The following UGT8 variants were observed in gnomAD, a reference collection of about 807,000 sequenced individuals.
UGT8 encodes the protein UDP glycosyltransferase 8.
A neutral mutation model predicts 40.5 loss-of-function variants in UGT8; 12 were observed. That is an observed-to-expected ratio of 0.30 (90% CI 0.19 to 0.48). UGT8 has a LOEUF of 0.48. Among genes scored for constraint, UGT8 ranks in the 20% least tolerant of loss-of-function variants. The probability of loss-of-function intolerance (pLI) is 0.99; values close to 1 mark genes in which losing one functional copy is unlikely to be tolerated. For missense variants in UGT8, 513 were observed against 648.7 expected, an observed-to-expected ratio of 0.79 and a Z score of 2.27; for synonymous variants, 224 against 240.4, an observed-to-expected ratio of 0.93 and a Z score of 0.63.
chr4:114,633,364 A>G (rs1732697418), intron 2 of UGT8, among the ~76,000 whole-genome samples: 1 of 152,224 alleles, frequency 6.6e-6, no homozygotes, highest in Non-Finnish European at 1.5e-5. Flanking sequence ...GTCTTCTCAG[A>G]CAATCAGAGT....
intron 2 of UGT8, among the ~76,000 whole-genome samples, chr4:114,653,048 C>T (rs529210263): frequency 1.6e-3 from 248 of 152,026 alleles, no homozygotes; most frequent in South Asian, 0.012. Context: ...TTGCCCATAC[C>T]GTTCTGGATC....
chr4:114,673,346 T>C (rs1419092008), intron 5 of UGT8, among the ~76,000 whole-genome samples: 1 of 152,206 alleles, frequency 6.6e-6, no homozygotes, highest in African/African-American at 2.4e-5. Context: ...TCCTTTCCAG[T>C]TGATCCATGG....
At chr4:114,663,686 C>T in intron 2 of UGT8, 1 of 984,946 alleles carries the variant, frequency 1.0e-6, no homozygotes, top group Non-Finnish European at 1.2e-6. Flanking sequence ...TTTTTCTGAA[C>T]ATGCATCAGT....
rs1324184836 is a variant in UGT8 at position 114,678,176 on chromosome 4, T to A, written c.*1888T>A. The A allele has an allele frequency of 6.6e-6, 1 of 152,212 alleles. No homozygotes were observed. The highest frequency in any genetic ancestry group is 1.5e-5 in the Non-Finnish European group (1 of 68,042). The allele number at this position is 152,212 out of a possible 1,614,324, so 9.4% of individuals were successfully genotyped here. ...ACTGATTGGATGATTAAACATAAGT[T>A]AATCTCCACTGTGATAAAAACTTAA... On this transcript the variant is annotated 3_prime_UTR_variant, in exon 6 of 6. Coordinates refer to ENST00000310836, the MANE Select transcript of UGT8 (RefSeq NM_001128174.3).
chr4:114,605,281 T>C (rs1730670936), intron 1 of UGT8, among the ~76,000 whole-genome samples: 1 of 152,172 alleles, frequency 6.6e-6, no homozygotes. Flanking sequence ...GAAAGATGTA[T>C]AGTAGGAACA....
chr4:114,607,221 A>G (rs1443080208), intron 1 of UGT8, among the ~76,000 whole-genome samples: 1 of 152,186 alleles, frequency 6.6e-6, no homozygotes, highest in Non-Finnish European at 1.5e-5. Context: ...TCAAAATGAC[A>G]ATCCAGTCTG....
At chr4:114,640,014 T>A (rs533274339) in intron 2 of UGT8, among the ~76,000 whole-genome samples, 20 of 148,576 alleles carry the variant, frequency 1.3e-4, no homozygotes, top group African/African-American at 4.4e-4. Context: ...GATAGTTTCA[T>A]GTAAAAATAT....
chr4:114,630,327 G>A (rs1312027477), intron 2 of UGT8, among the ~76,000 whole-genome samples: 1 of 152,186 alleles, frequency 6.6e-6, no homozygotes, highest in Non-Finnish European at 1.5e-5. Flanking sequence ...TTTGGTTAAA[G>A]GAATCAGCCT....
chr4:114,663,616 A>G (rs1317609226), intron 2 of UGT8: 11 of 890,428 alleles, frequency 1.2e-5, no homozygotes, highest in Non-Finnish European at 1.5e-5. Context: ...AATTTTTGCC[A>G]GTATGATTGA....
chr4:114,642,587 C>T (rs914546833), intron 2 of UGT8, among the ~76,000 whole-genome samples: 1 of 152,134 alleles, frequency 6.6e-6, no homozygotes, highest in Non-Finnish European at 1.5e-5. Flanking sequence ...TATATTGAAT[C>T]ACCCAGCATG....
At chr4:114,603,330 G>A (rs1287668004) in intron 1 of UGT8, among the ~76,000 whole-genome samples, 1 of 152,080 alleles carries the variant, frequency 6.6e-6, no homozygotes, top group South Asian at 2.1e-4. Flanking sequence ...ATAAATGGTA[G>A]GTAGATAAAT....
At chr4:114,626,768 A>T (rs1387536795) in intron 2 of UGT8, among the ~76,000 whole-genome samples, 1 of 152,166 alleles carries the variant, frequency 6.6e-6, no homozygotes, top group African/African-American at 2.4e-5. Context: ...CACTAATTTT[A>T]GTCATTTACT....
rs1405149032 is a variant in UGT8, at chr4:114,665,241, A to G, written c.966-439A>G. The stretch of plus-strand genomic sequence containing the variant: ...GAAGAGAACTTACTGATTTTTTTCA[A>G]TACTTCTGCCTTCCCTCAGACTCAG... On this transcript the variant is annotated intron_variant, in intron 3 of 5. Coordinates refer to ENST00000310836, the MANE Select transcript of UGT8 (RefSeq NM_001128174.3). 3 of 288,056 alleles carry G rather than the reference A, an allele frequency of 1.0e-5. No homozygotes were observed. The Admixed American group carries it at 1.9e-4, about 19-fold the overall frequency. 17.8% of individuals were successfully genotyped at this position (288,056 alleles called of 1,614,324 possible).
chr4:114,608,425 T>G (rs751722538), intron 1 of UGT8, among the ~76,000 whole-genome samples: 9 of 152,310 alleles, frequency 5.9e-5, no homozygotes, highest in Admixed American at 5.2e-4. Flanking sequence ...TAGTTTGTCA[T>G]GAGGCAATAA....
chr4:114,623,067 G>A lies in UGT8; in HGVS notation c.187G>A (p.Ala63Thr), dbSNP rs114818124. The A allele has an allele frequency of 1.5e-5, 25 of 1,614,058 alleles. No homozygotes were observed. The highest frequency in any genetic ancestry group is 1.5e-4 in the African/African-American group (11 of 75,018). The part of the protein sequence containing the change: ...VFLLSEGRDI[A>T]PSNHYSLQRY... ...CCTCCTCTCTGAAGGCAGAGACATC[G>A]CCCCATCTAATCATTACAGCCTCCA... Residue 63 changes from alanine to threonine, a missense_variant, in exon 2 of 6, where the codon GCC becomes ACC. Ala to Thr is a moderately conservative substitution (Grantham distance 58). Coordinates refer to ENST00000310836, the MANE Select transcript of UGT8 (RefSeq NM_001128174.3).
At chr4:114,661,487 G>A (rs1363946782) in intron 2 of UGT8, among the ~76,000 whole-genome samples, 4 of 152,126 alleles carry the variant, frequency 2.6e-5, no homozygotes, top group Non-Finnish European at 5.9e-5. Flanking sequence ...GTTTTGCCGT[G>A]AGTTCAGCAA....
At chr4:114,608,636 G>T (rs1730870863) in intron 1 of UGT8, among the ~76,000 whole-genome samples, 1 of 151,990 alleles carries the variant, frequency 6.6e-6, no homozygotes, top group Non-Finnish European at 1.5e-5. Context: ...TTATATAATA[G>T]TTACATGGAA....
chr4:114,645,068 G>T (rs1290657025), intron 2 of UGT8, among the ~76,000 whole-genome samples: 2 of 152,028 alleles, frequency 1.3e-5, no homozygotes, highest in Admixed American at 6.6e-5. Context: ...CATCTTCAAG[G>T]TTTGGAAAAT....
At chr4:114,601,080 A>G (rs776868193) in intron 1 of UGT8, among the ~76,000 whole-genome samples, 6 of 152,230 alleles carry the variant, frequency 3.9e-5, no homozygotes, top group Non-Finnish European at 8.8e-5. Flanking sequence ...TAATACTACT[A>G]TACAGGTTCA....
Sources: allele counts gnomAD v4.1 joint callset (sites outside exome capture counted in the v4.1 genomes callset), GRCh38; gene constraint gnomAD v4.1.1; transcripts MANE v1.5; gene names NCBI Gene and HGNC (gene_info 2026-07-23, HGNC 2026-07-21).